Variants in CNTN1 observed in about 807,000 individuals in gnomAD.
CNTN1 encodes contactin-1.
CNTN1 carries 38 observed loss-of-function variants against 126.4 expected under a neutral mutation model. That is an observed-to-expected ratio of 0.30 (90% CI 0.23 to 0.39). The LOEUF is 0.39. Ranked by LOEUF, CNTN1 falls within the 10% of genes least tolerant of loss-of-function variation. The probability of loss-of-function intolerance (pLI) is 1.00; values close to 1 mark genes in which losing one functional copy is unlikely to be tolerated. For synonymous variants in CNTN1, 413 were observed against 422.6 expected, an observed-to-expected ratio of 0.98 and a Z score of 0.28; for missense variants, 1,009 against 1,248.4, an observed-to-expected ratio of 0.81 and a Z score of 2.89.
At chr12:40,701,356 T>C (rs1469650493) in intron 1 of CNTN1, among the ~76,000 whole-genome samples, 1 of 152,108 alleles carries the variant, frequency 6.6e-6, no homozygotes, top group Non-Finnish European at 1.5e-5. Context: ...GCACCAGAAG[T>C]TTTTATGCAT....
At chr12:40,997,458 T>G (rs1012628624) in intron 17 of CNTN1, among the ~76,000 whole-genome samples, 1 of 152,190 alleles carries the variant, frequency 6.6e-6, no homozygotes, top group Non-Finnish European at 1.5e-5. Flanking sequence ...CATTCTTTCT[T>G]TTTTCTTTCT....
At chr12:40,901,413 G>A (rs1565909407) in intron 1 of CNTN1, among the ~76,000 whole-genome samples, 1 of 152,156 alleles carries the variant, frequency 6.6e-6, no homozygotes, top group African/African-American at 2.4e-5. Flanking sequence ...AGATTCCTGA[G>A]TAAATCGCAA....
chr12:40,829,452 A>G (rs994020513), intron 1 of CNTN1, among the ~76,000 whole-genome samples: 1 of 152,100 alleles, frequency 6.6e-6, no homozygotes, highest in Non-Finnish European at 1.5e-5. Context: ...ATCAAGACCA[A>G]GAATAGATAA....
intron 17 of CNTN1, among the ~76,000 whole-genome samples, chr12:41,012,328 A>G (rs1490808872): frequency 2.6e-5 from 4 of 152,224 alleles, no homozygotes; most frequent in Non-Finnish European, 4.4e-5. Flanking sequence ...CCCATTTACT[A>G]TGACATTATC....
At position 41,030,756 on chromosome 12, in the gene CNTN1, T is replaced by A. The variant is rs371204109; in HGVS notation, c.2980+1537T>A. Among the ~76,000 whole-genome samples the A allele has an allele frequency of 3.9e-5, 6 of 152,298 alleles. No individual in the cohort carries two copies. The East Asian group carries it at 7.7e-4, about 20-fold the overall frequency. On this transcript the variant is annotated intron_variant, in intron 23 of 23. Coordinates refer to ENST00000551295, the MANE Select transcript of CNTN1 (RefSeq NM_001843.4). ...ATTTCTTCAAAAACACTTACTAATT[T>A]CTATTCCTATTATCATTGAGTATAA...
intron 17 of CNTN1, among the ~76,000 whole-genome samples, chr12:40,995,815 T>C (rs1163445076): frequency 6.6e-6 from 1 of 152,236 alleles, no homozygotes; most frequent in Non-Finnish European, 1.5e-5. Context: ...TTTTGAGATC[T>C]TTGATTAATA....
chr12:40,982,225 A>G (rs569817083), intron 16 of CNTN1, among the ~76,000 whole-genome samples: 6 of 152,174 alleles, frequency 3.9e-5, no homozygotes, highest in Non-Finnish European at 8.8e-5. Flanking sequence ...CCATTACATT[A>G]TGCTTATTGT....
chr12:40,974,088 C>T (rs1448734517), intron 15 of CNTN1, among the ~76,000 whole-genome samples: 1 of 152,074 alleles, frequency 6.6e-6, no homozygotes, highest in African/African-American at 2.4e-5. Context: ...AACTATATTT[C>T]TCCTCATTTT....
At chr12:40,986,454 A>G (rs1349393448) in intron 16 of CNTN1, among the ~76,000 whole-genome samples, 1 of 152,180 alleles carries the variant, frequency 6.6e-6, no homozygotes, top group Non-Finnish European at 1.5e-5. Context: ...AGTAATTCGA[A>G]TGTATGATCA....
At position 40,999,953 on chromosome 12, in the gene CNTN1, G is replaced by A. The variant is rs1012839105; in HGVS notation, c.2113+6684G>A. On this transcript the variant is annotated intron_variant, in intron 17 of 23. Coordinates refer to ENST00000551295, the MANE Select transcript of CNTN1 (RefSeq NM_001843.4). ...GATCTCCTGACCTCGTGATCCGCCC[G>A]CCTCAGCCTCCCAAAGTGCTAGATT... 7.9e-5 allele frequency among the ~76,000 whole-genome samples: 12 copies of A among 151,988 alleles called. No individual in the cohort carries two copies. In the East Asian group the frequency reaches 1.5e-3, roughly 20 times the overall value.
intron 3 of CNTN1, among the ~76,000 whole-genome samples, chr12:40,912,469 T>G (rs1427907089): frequency 6.6e-6 from 1 of 151,938 alleles, no homozygotes; most frequent in African/African-American, 2.4e-5. Flanking sequence ...TGAAAATAAG[T>G]ATCTTTCATT....
intron 1 of CNTN1, among the ~76,000 whole-genome samples, chr12:40,776,135 C>A (rs1939568413): frequency 6.6e-6 from 1 of 151,468 alleles, no homozygotes; most frequent in African/African-American, 2.4e-5. Context: ...TTTTAAATTT[C>A]TATTCTTTTT....
chr12:40,835,799 TACACACACAC>T (rs10556497), intron 1 of CNTN1, among the ~76,000 whole-genome samples: 181 of 142,526 alleles, frequency 1.3e-3, no homozygotes, highest in Non-Finnish European at 1.8e-3. Context: ...ATGCTATTTA[TACACACACAC>T]ACACACACAC....
intron 1 of CNTN1, among the ~76,000 whole-genome samples, chr12:40,740,598 T>A (rs1292523162): frequency 6.6e-6 from 1 of 152,100 alleles, no homozygotes; most frequent in Admixed American, 6.6e-5. Context: ...TTCAGCCTCA[T>A]CTCTAGCACT....
intron 1 of CNTN1, among the ~76,000 whole-genome samples, chr12:40,723,146 G>A (rs1942262694): frequency 6.6e-6 from 1 of 152,166 alleles, no homozygotes; most frequent in South Asian, 2.1e-4. Context: ...CACAGAGGAG[G>A]TAGGCCGACT....
At chr12:40,911,657 C>T (rs1453272049) in intron 3 of CNTN1, among the ~76,000 whole-genome samples, 8 of 152,180 alleles carry the variant, frequency 5.3e-5, no homozygotes, top group Admixed American at 5.2e-4. Flanking sequence ...CCTACTTAAC[C>T]GGCTGGCAGC....
intron 1 of CNTN1, among the ~76,000 whole-genome samples, chr12:40,709,298 G>A (rs1584095): frequency 0.61 from 92,916 of 152,034 alleles, 29,183 homozygotes; most frequent in East Asian, 0.84. Context: ...CTGAGCAGTC[G>A]GTCTCAACAG....
At chr12:40,749,269 T>C (rs1195080044) in intron 1 of CNTN1, among the ~76,000 whole-genome samples, 1 of 152,142 alleles carries the variant, frequency 6.6e-6, no homozygotes, top group African/African-American at 2.4e-5. Context: ...GGACCAGTCA[T>C]TGTAGCAAAC....
At chr12:40,886,626 A>G (rs1229157488) in intron 1 of CNTN1, among the ~76,000 whole-genome samples, 1 of 152,258 alleles carries the variant, frequency 6.6e-6, no homozygotes, top group East Asian at 1.9e-4. Flanking sequence ...GGTGTTTTAG[A>G]CATGAAGTCA....
Sources: allele counts gnomAD v4.1 joint callset (sites outside exome capture counted in the v4.1 genomes callset), GRCh38; gene constraint gnomAD v4.1.1; transcripts MANE v1.5; gene names NCBI Gene and HGNC (gene_info 2026-07-23, HGNC 2026-07-21).